The following SP140 variants were observed in gnomAD, a reference collection of about 807,000 sequenced individuals.
SP140 encodes the protein nuclear body protein SP140.
SP140 carries 81 observed loss-of-function variants against 125.0 expected under a neutral mutation model. The observed-to-expected ratio is 0.65, with a 90% CI of 0.54 to 0.78. The LOEUF (loss-of-function observed/expected upper bound fraction) is 0.78, where lower values mean the gene tolerates loss of function less well. Among genes scored for constraint, SP140 ranks in the 30% least tolerant of loss-of-function variants. The pLI is 0.00. For synonymous variants in SP140, 312 were observed against 354.0 expected, an observed-to-expected ratio of 0.88 and a Z score of 1.33; for missense variants, 858 against 1,037.0, an observed-to-expected ratio of 0.83 and a Z score of 2.37.
At chr2:230,223,461 C>T (rs988294753), upstream of SP140, among the ~76,000 whole-genome samples, 5 of 152,282 alleles carry the variant, frequency 3.3e-5, no homozygotes, top group African/African-American at 1.2e-4. Context: ...TCTGGCTTTC[C>T]CATACATTCT....
intron 1 of SP140, among the ~76,000 whole-genome samples, chr2:230,204,001 CAT>C (rs575621448): frequency 2.1e-4 from 32 of 152,076 alleles, no homozygotes; most frequent in African/African-American, 7.0e-4. Context: ...AATTTTATGT[CAT>C]GTGTATTTTA....
intron 20 of SP140, among the ~76,000 whole-genome samples, chr2:230,293,601 G>C (rs2057371251): frequency 6.6e-6 from 1 of 152,020 alleles, no homozygotes; most frequent in Non-Finnish European, 1.5e-5. Flanking sequence ...CTCCCAAAAT[G>C]CTGGGGTTAC....
chr2:230,291,979 A>G (rs2057169750), intron 19 of SP140, among the ~76,000 whole-genome samples: 2 of 152,268 alleles, frequency 1.3e-5, no homozygotes, highest in South Asian at 2.1e-4. Flanking sequence ...ATGACATGGT[A>G]TCTCATTTTG....
At chr2:230,186,272 C>A in the SP140 span, 757 of 868,678 alleles carry the variant, frequency 8.7e-4, 7 homozygotes, top group South Asian at 3.2e-3. Flanking sequence ...TTCTTCCCCC[C>A]AGACTCATAA....
chr2:230,207,658 T>G (rs2148894654), intron 1 of SP140, among the ~76,000 whole-genome samples: 1 of 152,304 alleles, frequency 6.6e-6, no homozygotes, highest in African/African-American at 2.4e-5. Flanking sequence ...CATCTGTAGC[T>G]AATAATATGT....
intron 12 of SP140, among the ~76,000 whole-genome samples, chr2:230,259,796 A>ATATATATATATATATATATATC (rs71049700): frequency 9.3e-6 from 1 of 107,950 alleles, no homozygotes; most frequent in Non-Finnish European, 2.0e-5. Flanking sequence ...ATATATATAT[A>ATATATATATATATATATATATC]CCACATACAT....
At chr2:230,212,505 T>G (rs931421213) in intron 1 of SP140, 8 of 1,252,392 alleles carry the variant, frequency 6.4e-6, no homozygotes, top group Non-Finnish European at 9.4e-6. Flanking sequence ...TAAAAGTGCC[T>G]GGGGCAGATA....
At chr2:230,290,989 T>C (rs3769845) in intron 19 of SP140, among the ~76,000 whole-genome samples, 84,322 of 152,024 alleles carry the variant, frequency 0.55, 24,582 homozygotes, top group South Asian at 0.7. Flanking sequence ...CTTTGCTGTT[T>C]CAGGAGTGAC....
At chr2:230,259,301 T>C (rs755866076) in intron 12 of SP140, among the ~76,000 whole-genome samples, 4 of 152,026 alleles carry the variant, frequency 2.6e-5, no homozygotes, top group Non-Finnish European at 4.4e-5. Flanking sequence ...TCTTACACCT[T>C]TGCGTCCTCA....
chr2:230,262,158 T>C (rs1029735235), intron 12 of SP140, among the ~76,000 whole-genome samples: 2 of 152,222 alleles, frequency 1.3e-5, no homozygotes, highest in African/African-American at 2.4e-5. Context: ...AGGTATCTAA[T>C]TCTTCCTGAT....
chr2:230,300,649 C>T (rs1178265265), intron 22 of SP140, among the ~76,000 whole-genome samples: 1 of 152,214 alleles, frequency 6.6e-6, no homozygotes, highest in Non-Finnish European at 1.5e-5. Context: ...AGAATCTGAA[C>T]AGCAGCTCTT....
chr2:230,249,275 C>T (rs2049993241), intron 9 of SP140, among the ~76,000 whole-genome samples: 1 of 152,084 alleles, frequency 6.6e-6, no homozygotes, highest in African/African-American at 2.4e-5. Context: ...CACATTAAAC[C>T]TAAATAACAG....
intron 16 of SP140, among the ~76,000 whole-genome samples, chr2:230,284,655 C>CT (rs2056119277): frequency 6.6e-6 from 1 of 152,200 alleles, no homozygotes; most frequent in South Asian, 2.1e-4. Context: ...CTCAGTATGA[C>CT]TTTCTTTCCT....
intron 22 of SP140, among the ~76,000 whole-genome samples, chr2:230,302,086 A>G (rs1433900538): frequency 1.3e-5 from 2 of 152,336 alleles, no homozygotes; most frequent in Non-Finnish European, 2.9e-5. Flanking sequence ...AACTAGCACA[A>G]TCCTAAATAT....
At chr2:230,196,774 T>C in the SP140 span, among the ~76,000 whole-genome samples, 2 of 151,324 alleles carry the variant, frequency 1.3e-5, no homozygotes, top group African/African-American at 4.9e-5. Flanking sequence ...TTCCCACCTA[T>C]GAGTGAGAAC....
chr2:230,214,937 G>A (rs2044942911), intron 3 of SP140: 1 of 1,612,546 alleles, frequency 6.2e-7, no homozygotes, highest in Non-Finnish European at 8.5e-7. Context: ...AAGCACTTGA[G>A]AAATCTCATT....
chr2:230,314,810 C>T (rs769582435), downstream of SP140, among the ~76,000 whole-genome samples: 5 of 152,364 alleles, frequency 3.3e-5, no homozygotes, highest in Non-Finnish European at 7.3e-5. Flanking sequence ...GGGGGCAGCA[C>T]ATCCTTGAGA....
At chr2:230,190,103 G>A in the SP140 span, among the ~76,000 whole-genome samples, 5 of 152,112 alleles carry the variant, frequency 3.3e-5, no homozygotes, top group Admixed American at 2.6e-4. Flanking sequence ...GGTATTTCTG[G>A]TTCTACATCC....
At chr2:230,278,566 T>C (rs1347686429) in intron 15 of SP140, among the ~76,000 whole-genome samples, 2 of 152,102 alleles carry the variant, frequency 1.3e-5, no homozygotes, top group African/African-American at 4.8e-5. Flanking sequence ...ATCTAAAGAA[T>C]AATTGCCCAG....
Sources: gnomAD v4.1 joint callset for allele counts (sites outside exome capture counted in the v4.1 genomes callset) on GRCh38, gnomAD v4.1.1 for gene constraint, MANE v1.5 for transcripts, NCBI Gene and HGNC (gene_info 2026-07-23, HGNC 2026-07-21) for gene names.